Variants in ASPG observed in about 807,000 individuals in gnomAD.
The protein encoded by ASPG is asparaginase.
ASPG carries 53 observed loss-of-function variants against 63.2 expected under a neutral mutation model. The observed-to-expected ratio is 0.84, with a 90% CI of 0.67 to 1.05. ASPG has a LOEUF of 1.05. Ranked by LOEUF, ASPG falls within the 50% of genes least tolerant of loss-of-function variation. The pLI is 0.00. For synonymous variants in ASPG, 370 were observed against 355.0 expected (o/e 1.04, Z -0.48); for missense variants, 741 against 794.4 (o/e 0.93, Z 0.81).
At chr14:104,104,921 A>G (rs2037055363) in intron 9 of ASPG, 186 bp downstream of exon 9, 3 of 602,942 alleles carry the variant, frequency 5.0e-6, no homozygotes, top group Non-Finnish European at 8.6e-6. Context: ...GGCTCCCCAC[A>G]GCCCTCACTG....
Position 104,091,276 on chromosome 14 carries a change from T to C in ASPG, c.83-1357T>C, listed in dbSNP as rs1375557505. Among the ~76,000 whole-genome samples, 1 of 151,858 alleles carries C rather than the reference T, an allele frequency of 6.6e-6. No homozygotes were observed. The highest frequency in any genetic ancestry group is 1.5e-5 in the Non-Finnish European group (1 of 67,954). ...CCCCCTGGATGCCCAGGGTCTGAGG[T>C]TGGGTCCTTGGGGTTCACAAGGCTG... On this transcript the variant is annotated intron_variant, in intron 1 of 15. Transcript: ENST00000551177. The surrounding 1 kb of genome is among the most constrained non-coding windows in gnomAD (Gnocchi z 6.4).
At chr14:104,100,386 G>A (rs1439572780) in intron 6 of ASPG, among the ~76,000 whole-genome samples, 1 of 152,186 alleles carries the variant, frequency 6.6e-6, no homozygotes, top group Admixed American at 6.5e-5. Context: ...TGGGAGTCCG[G>A]GCTCGGTGGC....
intron 2 of ASPG, 84 bp downstream of exon 2, chr14:104,092,825 C>A: frequency 8.5e-7 from 1 of 1,180,206 alleles, no homozygotes; most frequent in Non-Finnish European, 1.2e-6. Context: ...CTGGCCAGGC[C>A]CACGTGAGCC....
rs2037447959 is a variant in ASPG at position 104,115,560 on chromosome 14, AAT to A, written c.*3018_*3019del. 6.6e-6 allele frequency: 1 copy of A among 152,134 alleles called. No individual in the cohort carries two copies. The highest frequency in any genetic ancestry group is 2.4e-5 in the African/African-American group (1 of 41,416). The allele number at this position is 152,134 out of a possible 1,614,324, so 9.4% of individuals were successfully genotyped here. The stretch of plus-strand genomic sequence containing the variant: ...CATGGCGAAACTCTGTCTCTTAAAA[AAT>A]AAATAAAAACATTAGCCAGGTGTGG... On this transcript the variant is annotated 3_prime_UTR_variant, in exon 16 of 16. Transcript: ENST00000551177.
intron 2 of ASPG, 46 bp downstream of exon 2, chr14:104,092,787 G>C: frequency 6.7e-7 from 1 of 1,484,406 alleles, no homozygotes; most frequent in Non-Finnish European, 9.1e-7. Context: ...TGGCTGCTGA[G>C]GGGCACCGAT....
chr14:104,107,020 C>T, intron 11 of ASPG, 126 bp downstream of exon 11: 1 of 1,301,496 alleles, frequency 7.7e-7, no homozygotes, highest in Non-Finnish European at 1.0e-6. Flanking sequence ...CCAGACTGGG[C>T]AGCAGGACTG....
chr14:104,104,689 C>T lies in ASPG; in HGVS notation c.1004C>T (p.Ser335Leu), dbSNP rs987160415. Residue 335 changes from serine to leucine, a missense_variant, in exon 9 of 16, where the codon TCG (serine) becomes TTG (leucine). Transcript: ENST00000551177. ...MTSEAALAKLSYVLGQPGLSL... is the reference protein window; with the variant it reads ...MTSEAALAKLLYVLGQPGLSL... ...TCGGAGGCCGCCCTGGCCAAGCTAT[C>T]GTATGTGCTGGGCCAGCCAGGGCTG... The T allele has an allele frequency of 7.4e-6, 12 of 1,611,006 alleles. No individual in the cohort carries two copies. The highest frequency in any genetic ancestry group is 4.0e-5 in the African/African-American group (3 of 74,926).
At chr14:104,104,154 G>A (rs867523938) in intron 7 of ASPG, 150 bp from the exon 8 acceptor site, 10 of 890,298 alleles carry the variant, frequency 1.1e-5, no homozygotes, top group South Asian at 1.8e-5. Context: ...AGCCATGCAC[G>A]TCTGCCAGGA....
At chr14:104,099,589 C>T (rs1329817158) in intron 6 of ASPG, among the ~76,000 whole-genome samples, 6 of 152,218 alleles carry the variant, frequency 3.9e-5, no homozygotes, top group Admixed American at 2.0e-4. Context: ...ACCGTCGCTC[C>T]GTCTGGGGTG....
intron 6 of ASPG, among the ~76,000 whole-genome samples, chr14:104,102,832 G>A (rs540860766): frequency 6.6e-6 from 1 of 152,278 alleles, no homozygotes; most frequent in East Asian, 1.9e-4. Flanking sequence ...CTGCATGGAC[G>A]GGTTCAAGGG....
chr14:104,101,021 G>A (rs1179569484), intron 6 of ASPG, among the ~76,000 whole-genome samples: 5 of 152,194 alleles, frequency 3.3e-5, no homozygotes, highest in South Asian at 2.1e-4. Context: ...TGCTAAGCCC[G>A]GGCAGGCCAC....
chr14:104,104,303 G>A lies in ASPG; in HGVS notation c.754-1G>A, dbSNP rs367876751. On this transcript the variant is annotated splice_acceptor_variant, in intron 7 of 15. Coordinates refer to ENST00000551177, the MANE Select transcript of ASPG (RefSeq NM_001080464.3). LOFTEE classifies it high-confidence loss of function. Reference sequence around the variant, plus strand: ...CCAGCCCCCACCCCACCGCCCCACAGGTTCGGGCCTTCTTGCAGCCTCCCC... The same window carrying A: ...CCAGCCCCCACCCCACCGCCCCACAAGTTCGGGCCTTCTTGCAGCCTCCCC... 2.4e-5 allele frequency: 38 copies of A among 1,610,272 alleles called. No homozygotes were observed. In the African/African-American group the frequency reaches 4.5e-4, roughly 19 times the overall value.
At position 104,110,889 on chromosome 14, in the gene ASPG, A is replaced by T; in HGVS notation, c.1521-613A>T. On this transcript the variant is annotated intron_variant, in intron 13 of 15. Coordinates refer to ENST00000551177, the MANE Select transcript of ASPG (RefSeq NM_001080464.3). The surrounding 1 kb of genome is among the most constrained non-coding windows in gnomAD (Gnocchi z 4.7). ...GAGGAGGAGCTGGTGAGGGCCTGGC[A>T]GGTGCTCCCCACTCCAGGGCAGGTG... 1 of 985,338 alleles carries T rather than the reference A, an allele frequency of 1.0e-6. No individual in the cohort carries two copies. The highest frequency in any genetic ancestry group is 4.7e-5 in the South Asian group (1 of 21,284). The allele number at this position is 985,338 out of a possible 1,614,324, so 61.0% of individuals were successfully genotyped here. A position where few individuals can be genotyped will look rare whatever the true frequency, so the allele number is the denominator to read the frequency against.
At chr14:104,089,972 AAAGG>A (rs1250077277) in intron 1 of ASPG, among the ~76,000 whole-genome samples, 1 of 150,862 alleles carries the variant, frequency 6.6e-6, no homozygotes, top group Non-Finnish European at 1.5e-5. Flanking sequence ...AAAAAAAAAA[AAAGG>A]AAGAAAGGAG....
intron 14 of ASPG, 142 bp downstream of exon 14, chr14:104,111,743 A>G (rs1260096060): frequency 1.1e-6 from 1 of 892,770 alleles, no homozygotes; most frequent in African/African-American, 1.7e-5. Context: ...CAGGACCCGC[A>G]CAGACTGGGT....
At chr14:104,092,607 A>C (rs2036401791) in intron 1 of ASPG, 26 bp from the exon 2 acceptor site, 1 of 1,525,496 alleles carries the variant, frequency 6.6e-7, no homozygotes, top group Non-Finnish European at 8.8e-7. Flanking sequence ...CCCTGACCCC[A>C]GCATCCACCT....
chr14:104,105,278 C>T (rs763300865), intron 9 of ASPG, 50 bp from the exon 10 acceptor site: 35 of 1,612,244 alleles, frequency 2.2e-5, no homozygotes, highest in Non-Finnish European at 3.0e-5. Context: ...CTGTCCTGGG[C>T]TGCCCATCCA....
At chr14:104,108,600 C>T in intron 12 of ASPG, 1 of 985,408 alleles carries the variant, frequency 1.0e-6, no homozygotes, top group Non-Finnish European at 1.2e-6. Context: ...GCGATTATGG[C>T]ACAGTCTTTA....
rs2037035465 is a variant in ASPG, at chr14:104,104,611, C to T, written c.937-11C>T. ...AGTCGCCCTTCCTGCCCACACGCCC[C>T]CTCCTCACAGGCCATGGCGGGAGCC... On this transcript the variant is annotated splice_polypyrimidine_tract_variant and intron_variant, in intron 8 of 15. Coordinates refer to ENST00000551177, the MANE Select transcript of ASPG (RefSeq NM_001080464.3). 6.2e-7 allele frequency: 1 copy of T among 1,601,046 alleles called. No individual in the cohort carries two copies. The highest frequency in any genetic ancestry group is 8.5e-7 in the Non-Finnish European group (1 of 1,172,534).
Sources: gnomAD v4.1 joint callset for allele counts (sites outside exome capture counted in the v4.1 genomes callset) on GRCh38, gnomAD v4.1.1 for gene constraint, Gnocchi (gnomAD v3.1) non-coding constraint, MANE v1.5 for transcripts, NCBI Gene and HGNC (gene_info 2026-07-23, HGNC 2026-07-21) for gene names.